Variants in PNPLA8 observed in about 807,000 individuals in gnomAD.
The protein encoded by PNPLA8 is calcium-independent phospholipase A2-gamma.
A neutral mutation model predicts 76.9 loss-of-function variants in PNPLA8; 39 were observed. The ratio of observed to expected loss-of-function variants is 0.51; its 90% CI spans 0.39 to 0.66. PNPLA8 has a LOEUF of 0.66. Ranked by LOEUF, PNPLA8 falls within the 30% of genes least tolerant of loss-of-function variation. The pLI, the probability that PNPLA8 is intolerant of heterozygous loss-of-function variation, is 0.00. For missense variants in PNPLA8, 887 were observed against 918.0 expected (o/e 0.97, Z 0.44); for synonymous variants, 301 against 307.9 (o/e 0.98, Z 0.24).
chr7:108,487,778 A>G lies in PNPLA8; in HGVS notation c.1859T>C (p.Leu620Ser). 1 of 1,605,378 alleles carries G rather than the reference A, an allele frequency of 6.2e-7. No individual in the cohort carries two copies. Among genetic ancestry groups the G allele is most frequent in the Non-Finnish European group, 8.5e-7 (1 of 1,176,462 alleles). The change falls in exon 9 of 11, where the codon TTG (leucine) becomes TCG (serine). Residue 620 changes from leucine (L) to serine (S), a missense_variant. Transcript: ENST00000257694. ...ACTTACTTGATGAAGATCATTTCCC[A>G]ATGCATATTCTGCAAAGTAGCCTGG... ...AAPGYFAEYA[L>S]GNDLHQDGGL...
chr7:108,497,429 T>C (rs568217039), intron 6 of PNPLA8, 54 bp downstream of exon 6: 39 of 1,203,992 alleles, frequency 3.2e-5, no homozygotes, highest in Non-Finnish European at 4.4e-5. Context: ...GTGCTTAATG[T>C]TCTTTTCCTT....
At chr7:108,514,096 A>T in intron 4 of PNPLA8, 48 bp downstream of exon 4, 2 of 1,307,292 alleles carry the variant, frequency 1.5e-6, no homozygotes, top group Non-Finnish European at 2.1e-6. Context: ...GATTTTTTTT[A>T]GTACTTCTAT....
At chr7:108,486,456 C>G (rs1860742968) in intron 9 of PNPLA8, among the ~76,000 whole-genome samples, 1 of 151,946 alleles carries the variant, frequency 6.6e-6, no homozygotes, top group African/African-American at 2.4e-5. Context: ...AACTCAGCAG[C>G]CAGTACTTTC....
chr7:108,525,583 A>G (rs1266337850), intron 1 of PNPLA8, among the ~76,000 whole-genome samples: 1 of 152,244 alleles, frequency 6.6e-6, no homozygotes, highest in African/African-American at 2.4e-5. Flanking sequence ...GAAAGAGATT[A>G]CTGACAAAAA....
intron 4 of PNPLA8, among the ~76,000 whole-genome samples, chr7:108,504,736 C>T (rs1013048819): frequency 3.9e-5 from 6 of 152,248 alleles, no homozygotes; most frequent in South Asian, 2.1e-4. Context: ...AAAAATTGAG[C>T]CAGTGCACTA....
At chr7:108,502,696 G>T (rs1862055290) in intron 4 of PNPLA8, 54 bp from the exon 5 acceptor site, 2 of 1,349,072 alleles carry the variant, frequency 1.5e-6, no homozygotes, top group Non-Finnish European at 2.1e-6. Context: ...GACTGAAAAT[G>T]TATGATTATT....
At chr7:108,504,029 T>G (rs1053996724) in intron 4 of PNPLA8, among the ~76,000 whole-genome samples, 1 of 152,178 alleles carries the variant, frequency 6.6e-6, no homozygotes. Context: ...CCCAATGAGA[T>G]GGTGGTTAAG....
chr7:108,476,632 C>T (rs566786109), intron 10 of PNPLA8, among the ~76,000 whole-genome samples: 6 of 152,110 alleles, frequency 3.9e-5, no homozygotes, highest in African/African-American at 4.8e-5. Flanking sequence ...AATCCCACTC[C>T]GGGTATATGT....
intron 4 of PNPLA8, among the ~76,000 whole-genome samples, chr7:108,505,332 A>T (rs1356305383): frequency 5.5e-4 from 3 of 5,462 alleles, no homozygotes; most frequent in Admixed American, 6.7e-3. Flanking sequence ...ATATATATAT[A>T]TATATATATA....
intron 9 of PNPLA8, among the ~76,000 whole-genome samples, chr7:108,484,208 A>T (rs1329220291): frequency 1.3e-5 from 2 of 152,178 alleles, no homozygotes; most frequent in African/African-American, 4.8e-5. Flanking sequence ...AACTTTACTC[A>T]CTTTTTATCA....
intron 4 of PNPLA8, chr7:108,511,016 T>C: frequency 1.1e-6 from 1 of 905,728 alleles, no homozygotes; most frequent in Non-Finnish European, 1.6e-6. Context: ...GGTTGGTTAA[T>C]AAACAGTACC....
intron 2 of PNPLA8, 91 bp from the exon 3 acceptor site, chr7:108,515,665 AAGCTGTCTC>A: frequency 1.6e-6 from 1 of 627,134 alleles, no homozygotes; most frequent in Non-Finnish European, 2.3e-6. Flanking sequence ...TAAACTCAGC[AAGCTGTCTC>A]AAAAAAAGCA....
At chr7:108,474,242 G>A (rs999739529) in intron 10 of PNPLA8, among the ~76,000 whole-genome samples, 12 of 151,900 alleles carry the variant, frequency 7.9e-5, no homozygotes, top group African/African-American at 2.9e-4. Flanking sequence ...CTTTACCCAA[G>A]GTCATTAAGA....
chr7:108,472,898 A>ACT (rs1859724766), intron 10 of PNPLA8, among the ~76,000 whole-genome samples: 1 of 152,216 alleles, frequency 6.6e-6, no homozygotes, highest in Admixed American at 6.5e-5. Flanking sequence ...TGAAATTAGT[A>ACT]TACTTCTTCT....
At chr7:108,490,018 G>A (rs1198979713) in intron 8 of PNPLA8, among the ~76,000 whole-genome samples, 3 of 152,180 alleles carry the variant, frequency 2.0e-5, no homozygotes, top group African/African-American at 4.8e-5. Flanking sequence ...ATGATGGACC[G>A]CATATACAAC....
At position 108,479,369 on chromosome 7, in the gene PNPLA8, A is replaced by G. The variant is rs760276935; in HGVS notation, c.1889T>C (p.Leu630Ser). 2 of 1,609,640 alleles carry G rather than the reference A, an allele frequency of 1.2e-6. No homozygotes were observed. The highest frequency in any genetic ancestry group is 1.7e-6 in the Non-Finnish European group (2 of 1,177,484). The change falls in exon 10 of 11, where the codon TTG (leucine) becomes TCG (serine). Residue 630 changes from leucine to serine, a missense_variant. Transcript: ENST00000257694. Reference sequence around the variant, plus strand: ...TAATGCCGAAGGGTTATTCAGAAGCAAACCTCCATCCTGCAAAATACAAGT... The same window carrying G: ...TAATGCCGAAGGGTTATTCAGAAGCGAACCTCCATCCTGCAAAATACAAGT... ...LGNDLHQDGG[L>S]LLNNPSALAM...
chr7:108,520,359 T>C (rs549080254), intron 2 of PNPLA8, among the ~76,000 whole-genome samples: 113 of 152,302 alleles, frequency 7.4e-4, no homozygotes, highest in African/African-American at 2.5e-3. Context: ...TTTTCACTTA[T>C]ATGTAGGAGC....
At chr7:108,497,920 T>G (rs2154515671) in intron 5 of PNPLA8, among the ~76,000 whole-genome samples, 1 of 150,222 alleles carries the variant, frequency 6.7e-6, no homozygotes, top group East Asian at 2.0e-4. Context: ...TCCCAGCGCT[T>G]TGGGAGGTTG....
chr7:108,472,477 G>A lies in PNPLA8; in HGVS notation c.2273C>T (p.Thr758Ile). 1 of 1,602,200 alleles carries A rather than the reference G, an allele frequency of 6.2e-7. No homozygotes were observed. The highest frequency in any genetic ancestry group is 1.1e-5 in the South Asian group (1 of 89,258). The change falls in exon 11 of 11, where the codon ACT becomes ATT. Residue 758 changes from threonine to isoleucine, a missense_variant. Thr to Ile is a moderately conservative substitution (Grantham distance 89, BLOSUM62 -1). Coordinates refer to ENST00000257694, the MANE Select transcript of PNPLA8 (RefSeq NM_001256007.3). ...VAKILSQEKT[T>I]LQKINDWIKL... Reference sequence around the variant, plus strand: ...TATCCAATCATTAATTTTCTGCAGAGTTGTTTTTTCTTGACTTAATATTTT... The same window carrying A: ...TATCCAATCATTAATTTTCTGCAGAATTGTTTTTTCTTGACTTAATATTTT...
Sources: allele counts gnomAD v4.1 joint callset (sites outside exome capture counted in the v4.1 genomes callset), GRCh38; gene constraint gnomAD v4.1.1; transcripts MANE v1.5; gene names NCBI Gene and HGNC (gene_info 2026-07-23, HGNC 2026-07-21).